Variants in C4orf50 observed in about 807,000 individuals in gnomAD.
The protein encoded by C4orf50 is uncharacterized protein C4orf50.
C4orf50 carries 80 observed loss-of-function variants against 77.2 expected under a neutral mutation model. The observed-to-expected ratio is 1.04, with a 90% CI of 0.87 to 1.25. The LOEUF (loss-of-function observed/expected upper bound fraction) is 1.25, where lower values mean the gene tolerates loss of function less well. C4orf50 is among the 50% of genes most tolerant of loss of function. C4orf50 has a pLI of 0.00. For synonymous variants in C4orf50, 532 were observed against 465.3 expected (o/e 1.14, Z -1.84); for missense variants, 1,257 against 1,152.9 (o/e 1.09, Z -1.31).
chr4:5,981,192 C>T (rs763792550), intron 28 of C4orf50, among the ~76,000 whole-genome samples: 12 of 152,036 alleles, frequency 7.9e-5, no homozygotes, highest in Non-Finnish European at 1.8e-4. Context: ...GTGTTCTGGG[C>T]GTTTTTCCAT....
downstream of C4orf50, among the ~76,000 whole-genome samples, chr4:5,954,875 G>A (rs1016796161): frequency 1.3e-5 from 2 of 152,144 alleles, no homozygotes; most frequent in African/African-American, 2.4e-5. This position sits in a 1 kb window ranked among gnomAD's most constrained non-coding sequence, Gnocchi z 4.7. Flanking sequence ...AGAGACCTGA[G>A]AGAAGATTCA....
intron 7 of C4orf50, among the ~76,000 whole-genome samples, chr4:5,945,620 C>A (rs1201063726): frequency 1.3e-5 from 2 of 152,142 alleles, no homozygotes; most frequent in African/African-American, 2.4e-5. Context: ...GAAACAGAGG[C>A]CCCAAAGGGT....
intron 7 of C4orf50, among the ~76,000 whole-genome samples, chr4:5,927,246 G>C (rs1717556304): frequency 6.6e-6 from 1 of 152,072 alleles, no homozygotes; most frequent in Non-Finnish European, 1.5e-5. Flanking sequence ...CAACAGCTCA[G>C]AGGGTCATGT....
intron 7 of C4orf50, among the ~76,000 whole-genome samples, chr4:5,907,075 C>T (rs1207231097): frequency 6.6e-6 from 1 of 152,148 alleles, no homozygotes; most frequent in Non-Finnish European, 1.5e-5. Flanking sequence ...GTGTTAAGCT[C>T]ATAAGCACCT....
chr4:5,965,039 T>A, exon 33 of C4orf50: 1 of 1,613,242 alleles, frequency 6.2e-7, no homozygotes, highest in Non-Finnish European at 8.5e-7. Flanking sequence ...GAGAATCCAG[T>A]TGGGCTGTCT....
chr4:6,003,683 ATGATGGTGATGATAG>A (rs1721957012), intron 25 of C4orf50, among the ~76,000 whole-genome samples: 1 of 126,092 alleles, frequency 7.9e-6, no homozygotes, highest in South Asian at 2.8e-4. Context: ...GATGATAGTG[ATGATGGTGATGATAG>A]TGATGGTGAT....
chr4:5,910,766 T>A (rs989925267), intron 7 of C4orf50, among the ~76,000 whole-genome samples: 3 of 152,100 alleles, frequency 2.0e-5, no homozygotes, highest in African/African-American at 7.2e-5. Flanking sequence ...TAAGATAAAG[T>A]CCCTGCCCTC....
At position 5,992,452 on chromosome 4, in the gene C4orf50, CTGGGGACCT is replaced by C. The variant is rs779326802; in HGVS notation, c.1221+342_1221+350del. Among the ~76,000 whole-genome samples the C allele has an allele frequency of 2.6e-4, 40 of 152,040 alleles. No individual in the cohort carries two copies. Among genetic ancestry groups the C allele is most frequent in the Non-Finnish European group, 5.4e-4 (37 of 67,992 alleles). ...CTGGATCTCGGGGTCCACCTCCAAG[CTGGGGACCT>C]TGGGGAGTCACAGCAGCCCTTGGAG... On this transcript the variant is annotated intron_variant, in intron 27 of 33. Coordinates refer to ENST00000531445, the Ensembl canonical transcript of C4orf50. This position sits in a 1 kb window ranked among gnomAD's most constrained non-coding sequence, Gnocchi z 5.0.
chr4:5,943,067 A>G (rs1419285512), intron 7 of C4orf50, among the ~76,000 whole-genome samples: 1 of 152,172 alleles, frequency 6.6e-6, no homozygotes, highest in Admixed American at 6.5e-5. Context: ...CTAGGCATAT[A>G]TGAAAGGATA....
chr4:5,909,772 C>T (rs1458339549), intron 7 of C4orf50, among the ~76,000 whole-genome samples: 1 of 152,176 alleles, frequency 6.6e-6, no homozygotes, highest in African/African-American at 2.4e-5. Flanking sequence ...TGTTCTTTCC[C>T]CAATGTATGT....
chr4:5,984,986 C>T (rs768527170), intron 28 of C4orf50, among the ~76,000 whole-genome samples: 5 of 151,884 alleles, frequency 3.3e-5, no homozygotes, highest in Non-Finnish European at 5.9e-5. Context: ...GATAAAACAA[C>T]ACATTTATTT....
At position 5,973,861 on chromosome 4, in the gene C4orf50, T is replaced by C; in HGVS notation, c.3922-20A>G. ...CTTGGCCTGAAAGGGAGGGAGGCCA[T>C]GGATGCAGAGCTCCCACCAGGGCTG... On this transcript the variant is annotated intron_variant, in intron 30 of 33. Coordinates refer to ENST00000531445, the Ensembl canonical transcript of C4orf50. The C allele has an allele frequency of 1.3e-6, 2 of 1,590,874 alleles. No individual in the cohort carries two copies. The highest frequency in any genetic ancestry group is 1.7e-6 in the Non-Finnish European group (2 of 1,166,006).
intron 7 of C4orf50, chr4:5,898,461 T>C (rs1161676597): frequency 6.6e-6 from 1 of 152,188 alleles, no homozygotes; most frequent in African/African-American, 2.4e-5. Flanking sequence ...ACTGTTTCCA[T>C]GGAGGACTTT....
intron 7 of C4orf50, chr4:5,904,691 T>G (rs1201221114): frequency 6.6e-6 from 1 of 152,202 alleles, no homozygotes; most frequent in African/African-American, 2.4e-5. Flanking sequence ...CTACCAATCT[T>G]ATTTGCAAAT....
intron 33 of C4orf50, among the ~76,000 whole-genome samples, chr4:5,964,641 G>A (rs1029533672): frequency 4.6e-5 from 7 of 151,808 alleles, no homozygotes; most frequent in Non-Finnish European, 7.4e-5. Flanking sequence ...GGTGGTGGGC[G>A]CCTGTAATCC....
chr4:5,931,785 T>G (rs1717779399), intron 7 of C4orf50, among the ~76,000 whole-genome samples: 2 of 152,090 alleles, frequency 1.3e-5, no homozygotes, highest in African/African-American at 4.8e-5. Context: ...ATCTTCCCCG[T>G]GGATCCAGGC....
At chr4:5,998,272 A>AT (rs1190806351) in intron 25 of C4orf50, among the ~76,000 whole-genome samples, 2 of 152,082 alleles carry the variant, frequency 1.3e-5, no homozygotes, top group African/African-American at 2.4e-5. Flanking sequence ...AGCTGTCCAT[A>AT]TTTTTTTATT....
chr4:5,968,908 G>A (rs948867650), intron 31 of C4orf50, among the ~76,000 whole-genome samples: 1 of 152,132 alleles, frequency 6.6e-6, no homozygotes, highest in African/African-American at 2.4e-5. Context: ...TGGGGTGCAA[G>A]GACCCTTGTC....
chr4:5,989,984 G>A, exon 28 of C4orf50: 1 of 1,407,708 alleles, frequency 7.1e-7, no homozygotes, highest in South Asian at 1.7e-5. Flanking sequence ...CCTGCGAGGA[G>A]CTGACTGTCT....
Sources: allele counts gnomAD v4.1 joint callset (sites outside exome capture counted in the v4.1 genomes callset), GRCh38; gene constraint gnomAD v4.1.1; non-coding constraint Gnocchi (gnomAD v3.1); transcripts MANE v1.5; gene names NCBI Gene and HGNC (gene_info 2026-07-23, HGNC 2026-07-21).